The following MCPH1 variants were observed in gnomAD, a reference collection of about 807,000 sequenced individuals.
MCPH1 encodes the protein microcephalin.
A neutral mutation model predicts 84.5 loss-of-function variants in MCPH1; 104 were observed. The observed-to-expected ratio is 1.23, with a 90% confidence interval of 1.05 to 1.45. MCPH1 has a LOEUF of 1.45. MCPH1 is among the 40% of genes most tolerant of loss of function. The pLI is 0.00. For synonymous variants in MCPH1, 514 were observed against 366.8 expected (o/e 1.40, Z -4.58); for missense variants, 1,498 against 1,005.7 (o/e 1.49, Z -6.62).
intron 9 of MCPH1, among the ~76,000 whole-genome samples, chr8:6,463,646 G>A (rs896204582): frequency 1.3e-5 from 2 of 152,140 alleles, no homozygotes; most frequent in Non-Finnish European, 1.5e-5. Context: ...GTGTGGCCAG[G>A]CCAGCTAGGG....
At chr8:6,533,440 T>C (rs978547346) in intron 12 of MCPH1, among the ~76,000 whole-genome samples, 4 of 152,184 alleles carry the variant, frequency 2.6e-5, no homozygotes, top group Non-Finnish European at 4.4e-5. Context: ...GCTTAACCTT[T>C]TGGGACCCTA....
intron 12 of MCPH1, chr8:6,617,266 G>GGGT (rs1830891843): frequency 7.3e-6 from 1 of 137,042 alleles, no homozygotes. Flanking sequence ...TGGGGGGGGG[G>GGGT]TGTTTTTTTT....
At chr8:6,490,556 G>C (rs1810446983) in intron 11 of MCPH1, among the ~76,000 whole-genome samples, 1 of 152,150 alleles carries the variant, frequency 6.6e-6, no homozygotes, top group Non-Finnish European at 1.5e-5. Flanking sequence ...GCTGATGTAA[G>C]AAATACTAGA....
At chr8:6,489,516 C>T (rs998895559) in intron 11 of MCPH1, among the ~76,000 whole-genome samples, 1 of 152,160 alleles carries the variant, frequency 6.6e-6, no homozygotes, top group African/African-American at 2.4e-5. Context: ...TTGAAAAAAG[C>T]AGGATGAATC....
intron 9 of MCPH1, among the ~76,000 whole-genome samples, chr8:6,469,989 C>A (rs892572983): frequency 6.6e-6 from 1 of 152,122 alleles, no homozygotes; most frequent in South Asian, 2.1e-4. Context: ...CCTTTGGATG[C>A]GCCTAACTGT....
rs967240608 is a variant in MCPH1, at chr8:6,444,572, G to A, written c.850G>A (p.Asp284Asn). 3.1e-6 allele frequency: 5 copies of A among 1,613,944 alleles called. No individual in the cohort carries two copies. Among genetic ancestry groups the A allele is most frequent in the East Asian group, 2.2e-5 (1 of 44,902 alleles). Reference sequence around the variant, plus strand: ...TTCATCACCATCTTTCACTCACCTCGATAAATCAAGTCCTCAGAAATTTCT... The same window carrying A: ...TTCATCACCATCTTTCACTCACCTCAATAAATCAAGTCCTCAGAAATTTCT... ...IHSSPSFTHL[D>N]KSSPQKFLSN... The change falls in exon 8 of 14, where the codon GAT (aspartate) becomes AAT (asparagine). Residue 284 changes from aspartate (D) to asparagine (N), a missense_variant. Physicochemically the swap from Asp to Asn is conservative, Grantham distance 23. Coordinates refer to ENST00000344683, the MANE Select transcript of MCPH1 (RefSeq NM_024596.5).
At chr8:6,534,138 G>C (rs2922882) in intron 12 of MCPH1, among the ~76,000 whole-genome samples, 12,977 of 152,108 alleles carry the variant, frequency 0.085, 597 homozygotes, top group African/African-American at 0.13. Flanking sequence ...GGATGCATGA[G>C]AGGCACAGTC....
At chr8:6,527,534 A>G in intron 12 of MCPH1, 1 of 1,609,826 alleles carries the variant, frequency 6.2e-7, no homozygotes, top group Non-Finnish European at 8.5e-7. Context: ...TGAATTATAA[A>G]TGTTTTAGTA....
intron 13 of MCPH1, among the ~76,000 whole-genome samples, 186 bp downstream of exon 13, chr8:6,621,877 G>A (rs528299607): frequency 1.3e-5 from 2 of 152,274 alleles, no homozygotes; most frequent in African/African-American, 2.4e-5. Context: ...CTTGCTGTTA[G>A]CAGACGTACA....
intron 8 of MCPH1, among the ~76,000 whole-genome samples, chr8:6,452,953 T>C (rs1805255582): frequency 6.6e-6 from 1 of 152,210 alleles, no homozygotes; most frequent in South Asian, 2.1e-4. Flanking sequence ...CATTAGGTAG[T>C]TGGATATAGC....
At chr8:6,566,653 G>A (rs909087938) in intron 12 of MCPH1, among the ~76,000 whole-genome samples, 20 of 151,676 alleles carry the variant, frequency 1.3e-4, no homozygotes. Context: ...AGTGCATGTG[G>A]TGCGGTGACC....
intron 12 of MCPH1, among the ~76,000 whole-genome samples, chr8:6,556,440 T>C (rs899137806): frequency 6.6e-6 from 1 of 152,128 alleles, no homozygotes; most frequent in African/African-American, 2.4e-5. Flanking sequence ...GACCAAGGAC[T>C]TAACATCATC....
intron 8 of MCPH1, chr8:6,445,824 A>G (rs929294983): frequency 4.3e-6 from 5 of 1,174,726 alleles, no homozygotes; most frequent in South Asian, 2.9e-5. Context: ...AGTCCATAGT[A>G]TGAATAACTG....
At chr8:6,406,845 GCT>G in intron 1 of MCPH1, 156 bp downstream of exon 1, 1 of 35,388 alleles carries the variant, frequency 2.8e-5, no homozygotes, top group Non-Finnish European at 6.5e-5. Flanking sequence ...TTCCTCCCCC[GCT>G]GCCTGTCCCA....
intron 9 of MCPH1, among the ~76,000 whole-genome samples, chr8:6,464,668 G>A (rs1357931961): frequency 6.6e-6 from 1 of 152,162 alleles, no homozygotes; most frequent in Non-Finnish European, 1.5e-5. Flanking sequence ...ACCCACAGGC[G>A]CTAAGAGAGG....
At chr8:6,435,540 A>G (rs547138404) in intron 4 of MCPH1, among the ~76,000 whole-genome samples, 3 of 152,238 alleles carry the variant, frequency 2.0e-5, no homozygotes, top group Non-Finnish European at 1.5e-5. Context: ...TGATTGGATC[A>G]TGGATTATGC....
chr8:6,638,928 G>C (rs570180218), intron 13 of MCPH1, among the ~76,000 whole-genome samples: 2 of 152,148 alleles, frequency 1.3e-5, no homozygotes, highest in Non-Finnish European at 2.9e-5. Context: ...AGTGCTGCCC[G>C]CACACTCAGT....
At chr8:6,487,540 A>G (rs2129560630) in intron 11 of MCPH1, among the ~76,000 whole-genome samples, 1 of 152,248 alleles carries the variant, frequency 6.6e-6, no homozygotes, top group Admixed American at 6.5e-5. Flanking sequence ...ATCTTGAAAA[A>G]CCATTCTCTT....
intron 9 of MCPH1, among the ~76,000 whole-genome samples, chr8:6,465,030 G>A (rs1485985786): frequency 6.6e-6 from 1 of 151,938 alleles, no homozygotes; most frequent in Non-Finnish European, 1.5e-5. Context: ...TCTGCTGGTA[G>A]GCATTCTATG....
Sources: gnomAD v4.1 joint callset for allele counts (sites outside exome capture counted in the v4.1 genomes callset) on GRCh38, gnomAD v4.1.1 for gene constraint, MANE v1.5 for transcripts, NCBI Gene and HGNC (gene_info 2026-07-23, HGNC 2026-07-21) for gene names.